Variants in ZNF423 observed in about 807,000 individuals in gnomAD.
The protein encoded by ZNF423 is zinc finger protein 423, also known as Ebf-associated zinc finger protein.
In ZNF423, 12 loss-of-function variants were observed where a neutral mutation model predicts 95.8. That is an observed-to-expected ratio of 0.13 (90% confidence interval 0.08 to 0.20). The LOEUF (loss-of-function observed/expected upper bound fraction) is 0.20. Ranked by LOEUF, ZNF423 falls within the 10% of genes least tolerant of loss-of-function variation. The pLI, the probability that ZNF423 is intolerant of heterozygous loss-of-function variation, is 1.00. For synonymous variants in ZNF423, 749 were observed against 711.9 expected (o/e 1.05, Z -0.83); for missense variants, 1,316 against 1,737.1 (o/e 0.76, Z 4.31).
At chr16:49,705,498 C>A (rs894492169) in intron 3 of ZNF423, among the ~76,000 whole-genome samples, 1 of 152,174 alleles carries the variant, frequency 6.6e-6, no homozygotes, top group Admixed American at 6.5e-5. Context: ...GGATTTTCTT[C>A]TTTTCACTTC....
intron 5 of ZNF423, among the ~76,000 whole-genome samples, chr16:49,602,359 G>A (rs751647096): frequency 5.9e-5 from 9 of 152,178 alleles, no homozygotes; most frequent in Non-Finnish European, 1.3e-4. Context: ...CATCTTTTCT[G>A]CACTCGAAGA....
chr16:49,724,245 GT>G (rs978451810), intron 3 of ZNF423, among the ~76,000 whole-genome samples: 11 of 152,158 alleles, frequency 7.2e-5, no homozygotes, highest in Admixed American at 1.3e-4. Context: ...TTGCTCCCTG[GT>G]TTTTATACAT....
At chr16:49,608,471 T>C (rs932087840) in intron 5 of ZNF423, among the ~76,000 whole-genome samples, 2 of 152,190 alleles carry the variant, frequency 1.3e-5, no homozygotes, top group Non-Finnish European at 2.9e-5. Flanking sequence ...CTCCCACAGA[T>C]GTACTATTCC....
chr16:49,629,491 C>A (rs1972423529), intron 4 of ZNF423, among the ~76,000 whole-genome samples: 1 of 152,182 alleles, frequency 6.6e-6, no homozygotes, highest in Non-Finnish European at 1.5e-5. Flanking sequence ...CCTCTATGTG[C>A]AACACCCCCT....
intron 1 of ZNF423, chr16:49,827,035 A>G (rs1263722747): frequency 1.3e-5 from 2 of 152,198 alleles, no homozygotes; most frequent in Non-Finnish European, 2.9e-5. Flanking sequence ...TAGTATTCTT[A>G]TCTGCTGCAA....
chr16:49,794,509 C>A (rs2034468986), intron 1 of ZNF423, among the ~76,000 whole-genome samples: 1 of 152,224 alleles, frequency 6.6e-6, no homozygotes, highest in African/African-American at 2.4e-5. Flanking sequence ...CCCACACAAG[C>A]TCTGTGCTGG....
intron 5 of ZNF423, among the ~76,000 whole-genome samples, chr16:49,597,704 A>G (rs1197170919): frequency 6.6e-6 from 1 of 152,130 alleles, no homozygotes; most frequent in Admixed American, 6.5e-5. Flanking sequence ...GGCCCCCAAC[A>G]TTATGATTCT....
In ZNF423 at chr16:49,692,136, G is replaced by A. The variant is rs114198661; in HGVS notation, c.301+38635C>T. Among the ~76,000 whole-genome samples the A allele has an allele frequency of 9.8e-3, 1,494 of 151,878 alleles. 22 individuals are homozygous for A. The highest frequency in any genetic ancestry group is 0.034 in the African/African-American group (1,407 of 41,432). On this transcript the variant is annotated intron_variant, in intron 3 of 7. Coordinates refer to ENST00000563137, the MANE Select transcript of ZNF423 (RefSeq NM_001379286.1). ...AGCTTATTTTTGAATTTTTTTTGTC[G>A]AGACAGGCATCTCACTTTGTGTTGC...
chr16:49,611,457 AT>A (rs1971719160), intron 5 of ZNF423, among the ~76,000 whole-genome samples: 1 of 152,088 alleles, frequency 6.6e-6, no homozygotes, highest in South Asian at 2.1e-4. Flanking sequence ...GAACAAAAAA[AT>A]AAACTACAAC....
intron 2 of ZNF423, among the ~76,000 whole-genome samples, chr16:49,751,030 A>G (rs1399296709): frequency 6.6e-6 from 1 of 152,206 alleles, no homozygotes; most frequent in Non-Finnish European, 1.5e-5. Context: ...GGCCCAGGAC[A>G]CGCCATCAAA....
chr16:49,774,640 A>G (rs2034090270), intron 2 of ZNF423, among the ~76,000 whole-genome samples: 1 of 152,202 alleles, frequency 6.6e-6, no homozygotes, highest in South Asian at 2.1e-4. Flanking sequence ...AAATGCAATC[A>G]TCCAGTAAGA....
At chr16:49,502,300 C>T (rs866117688) in intron 7 of ZNF423, among the ~76,000 whole-genome samples, 38 of 152,264 alleles carry the variant, frequency 2.5e-4, no homozygotes, top group African/African-American at 8.7e-4. Flanking sequence ...TAAGTTCTGA[C>T]AAAGAGGGTA....
At chr16:49,698,533 C>T (rs2032058375) in intron 3 of ZNF423, among the ~76,000 whole-genome samples, 1 of 152,270 alleles carries the variant, frequency 6.6e-6, no homozygotes, top group Non-Finnish European at 1.5e-5. Context: ...ACGCCGCCCG[C>T]CTGGGCTCCT....
intron 1 of ZNF423, among the ~76,000 whole-genome samples, chr16:49,850,586 G>T (rs1320938290): frequency 6.6e-6 from 1 of 152,152 alleles, no homozygotes; most frequent in Non-Finnish European, 1.5e-5. Context: ...CGTGGACAAG[G>T]CTGGGCTTTG....
intron 5 of ZNF423, among the ~76,000 whole-genome samples, chr16:49,542,587 C>T (rs371632305): frequency 2.4e-4 from 36 of 152,182 alleles, no homozygotes; most frequent in Admixed American, 9.8e-4. Flanking sequence ...AGCTGGGAGG[C>T]GAGTCAGGGA....
chr16:49,509,490 A>G (rs775811514), intron 7 of ZNF423, among the ~76,000 whole-genome samples: 5 of 152,038 alleles, frequency 3.3e-5, no homozygotes, highest in Non-Finnish European at 5.9e-5. Flanking sequence ...CGCCTCTCCT[A>G]TGAGTATTGG....
At chr16:49,651,504 G>A (rs1419300420) in intron 3 of ZNF423, among the ~76,000 whole-genome samples, 1 of 152,176 alleles carries the variant, frequency 6.6e-6, no homozygotes, top group Non-Finnish European at 1.5e-5. Context: ...AGACATCTGT[G>A]TTTGCCTGGT....
chr16:49,649,880 T>C (rs1462843401), intron 3 of ZNF423, among the ~76,000 whole-genome samples: 1 of 152,236 alleles, frequency 6.6e-6, no homozygotes. Context: ...GACATGGCTC[T>C]TCCTGAAATC....
chr16:49,500,115 C>T lies in ZNF423; in HGVS notation c.3850-8811G>A, dbSNP rs537185674. 9.2e-5 allele frequency among the ~76,000 whole-genome samples: 14 copies of T among 152,278 alleles called. No individual in the cohort carries two copies. The South Asian group carries it at 2.7e-3, about 29-fold the overall frequency. ...GTCACAAGCAAAGGAAGATGGAATG[C>T]TTCCAGGGCTGCTTATAGACTTGCT... On this transcript the variant is annotated intron_variant, in intron 7 of 7. Transcript: ENST00000563137.
Sources: gnomAD v4.1 joint callset for allele counts (sites outside exome capture counted in the v4.1 genomes callset) on GRCh38, gnomAD v4.1.1 for gene constraint, MANE v1.5 for transcripts, NCBI Gene and HGNC (gene_info 2026-07-23, HGNC 2026-07-21) for gene names.